AHNAK: variants seen among roughly 807,000 people sequenced by gnomAD.
AHNAK encodes the protein AHNAK nucleoprotein, also known as neuroblast differentiation-associated protein AHNAK.
In AHNAK, 23 loss-of-function variants were observed where a neutral mutation model predicts 37.8. The ratio of observed to expected loss-of-function variants is 0.61; its 90% CI spans 0.44 to 0.86. The LOEUF (loss-of-function observed/expected upper bound fraction) is 0.86. Ranked by LOEUF, AHNAK falls within the 40% of genes least tolerant of loss-of-function variation. The probability of loss-of-function intolerance (pLI) is 0.00; values close to 1 mark genes in which losing one functional copy is unlikely to be tolerated. For synonymous variants in AHNAK, 2,481 were observed against 2,636.3 expected (o/e 0.94, Z 1.80); for missense variants, 7,411 against 7,319.4 (o/e 1.01, Z -0.46).
At chr11:62,545,780 G>A in intron 1 of AHNAK, 1 of 152,628 alleles carries the variant, frequency 6.6e-6, no homozygotes. Flanking sequence ...TTAGTCACCG[G>A]CTCCAACCAC....
intron 1 of AHNAK, among the ~76,000 whole-genome samples, chr11:62,542,325 G>T (rs567686847): frequency 2.6e-5 from 4 of 152,068 alleles, no homozygotes; most frequent in African/African-American, 9.7e-5. Flanking sequence ...TTGTGTGTGT[G>T]CACCTGCCTG....
rs499333 is a variant in AHNAK at position 62,522,698 on chromosome 11, A to C, written c.11719T>G (p.Leu3907Val). Residue 3907 changes from leucine to valine, a missense_variant, in exon 5 of 5, where the codon TTG becomes GTG. Leu to Val is a conservative substitution (Grantham distance 32, BLOSUM62 1). Coordinates refer to ENST00000378024, the MANE Select transcript of AHNAK (RefSeq NM_001620.3). ...KVEGDMQVPDLDIKGPKVDIN... is the reference protein window; with the variant it reads ...KVEGDMQVPDVDIKGPKVDIN... ...TCCACTTTGGGGCCTTTAATATCCA[A>C]GTCAGGAACTTGCATGTCACCTTCC... 1,419 of 1,609,028 alleles carry C rather than the reference A, an allele frequency of 8.8e-4. 6 individuals are homozygous for C. In the African/African-American group the frequency reaches 0.012, roughly 14 times the overall value.
Position 62,531,955 on chromosome 11 carries a change from G to C in AHNAK, c.2462C>G (p.Pro821Arg). The C allele has an allele frequency of 6.2e-7, 1 of 1,614,142 alleles. No homozygotes were observed. The highest frequency in any genetic ancestry group is 8.5e-7 in the Non-Finnish European group (1 of 1,180,044). The part of the protein sequence containing the change: ...MNIKVPKISM[P>R]DVDLHLKGPN... ...GCCTTTCAGATGTAAGTCCACATCAGGCATGGAGATCTTGGGGACTTTGAT... is the reference window on the plus strand; with the variant it reads ...GCCTTTCAGATGTAAGTCCACATCACGCATGGAGATCTTGGGGACTTTGAT... Residue 821 changes from proline to arginine, a missense_variant, in exon 5 of 5, where the codon CCT becomes CGT. Coordinates refer to ENST00000378024, the MANE Select transcript of AHNAK (RefSeq NM_001620.3).
chr11:62,498,438 A>ATGGTGTAT, intron 4 of AHNAK, among the ~76,000 whole-genome samples: 1 of 151,724 alleles, frequency 6.6e-6, no homozygotes, highest in Non-Finnish European at 1.5e-5. Flanking sequence ...GTGTAATTAT[A>ATGGTGTAT]ATTACACTAT....
chr11:62,508,503 T>TCATTCGTAACCCTTTC (rs1269035165), intron 4 of AHNAK, among the ~76,000 whole-genome samples: 1 of 152,232 alleles, frequency 6.6e-6, no homozygotes, highest in Non-Finnish European at 1.5e-5. Flanking sequence ...GAAGGCCTTT[T>TCATTCGTAACCCTTTC]CATTCGTAAC....
At chr11:62,458,329 G>A (rs985010266) in intron 5 of AHNAK, among the ~76,000 whole-genome samples, 6 of 151,920 alleles carry the variant, frequency 3.9e-5, no homozygotes, top group Admixed American at 2.0e-4. Context: ...TCATCCCCAC[G>A]TCAGAAGGTC....
At chr11:62,492,405 G>A (rs945850534) in intron 4 of AHNAK, among the ~76,000 whole-genome samples, 1 of 152,144 alleles carries the variant, frequency 6.6e-6, no homozygotes, top group African/African-American at 2.4e-5. Flanking sequence ...GAAGGGGAGT[G>A]TTCCCATCAA....
At chr11:62,480,083 G>C (rs576913433) in intron 5 of AHNAK, among the ~76,000 whole-genome samples, 2 of 152,048 alleles carry the variant, frequency 1.3e-5, no homozygotes, top group Admixed American at 6.6e-5. Flanking sequence ...AGCCTCACCC[G>C]GACCCTGCCA....
chr11:62,457,069 G>A (rs983622110), intron 5 of AHNAK, among the ~76,000 whole-genome samples: 21 of 152,166 alleles, frequency 1.4e-4, no homozygotes, highest in African/African-American at 2.2e-4. Flanking sequence ...GGGAGGCCGA[G>A]GCGGGAGGAT....
intron 5 of AHNAK, among the ~76,000 whole-genome samples, chr11:62,465,082 C>G (rs1938878318): frequency 6.6e-6 from 1 of 152,070 alleles, no homozygotes; most frequent in Non-Finnish European, 1.5e-5. Flanking sequence ...TTTCCTTTTC[C>G]TAGATCCCAG....
chr11:62,461,320 A>ATTTTTT (rs1938782775), intron 5 of AHNAK, among the ~76,000 whole-genome samples: 1 of 146,790 alleles, frequency 6.8e-6, no homozygotes, highest in South Asian at 2.2e-4. Context: ...TAATTTTTGT[A>ATTTTTT]TTTTTAGTAC....
Position 62,528,530 on chromosome 11 carries a change from C to T in AHNAK, c.5887G>A (p.Val1963Ile). The T allele has an allele frequency of 6.2e-7, 1 of 1,611,984 alleles. No individual in the cohort carries two copies. Among genetic ancestry groups the T allele is most frequent in the Non-Finnish European group, 8.5e-7 (1 of 1,179,692 alleles). Residue 1963 changes from valine (V) to isoleucine (I), a missense_variant, in exon 5 of 5, where the codon GTT becomes ATT. Val to Ile is a conservative substitution (Grantham distance 29, BLOSUM62 3). Transcript: ENST00000378024. The stretch of plus-strand genomic sequence containing the variant: ...TTTGCATCAGGACACTCCAGCTCAA[C>T]ATCAGGCACCTCCACACCCACACTG... ...GPSVGVEVPD[V>I]ELECPDAKLK...
exon 6 of AHNAK, chr11:62,433,747 G>T: frequency 1.6e-6 from 2 of 1,271,094 alleles, no homozygotes; most frequent in South Asian, 1.3e-5. Context: ...AAGCCGCCTC[G>T]CGGAAGGTAT....
intron 1 of AHNAK, among the ~76,000 whole-genome samples, chr11:62,539,955 T>A (rs1941073485): frequency 6.6e-6 from 1 of 152,190 alleles, no homozygotes; most frequent in South Asian, 2.1e-4. Flanking sequence ...TGTAGCCAGG[T>A]TTCCCATTCT....
chr11:62,440,336 C>G (rs1256006724), intron 5 of AHNAK, among the ~76,000 whole-genome samples: 2 of 152,096 alleles, frequency 1.3e-5, no homozygotes, highest in Non-Finnish European at 2.9e-5. Context: ...CCAGGCCAAA[C>G]AGGAAGTCAA....
intron 5 of AHNAK, among the ~76,000 whole-genome samples, chr11:62,437,695 T>C (rs1047869611): frequency 1.2e-4 from 19 of 152,182 alleles, no homozygotes; most frequent in African/African-American, 4.6e-4. Flanking sequence ...GTAGAATTTC[T>C]GGGTTGTACA....
intron 5 of AHNAK, among the ~76,000 whole-genome samples, chr11:62,435,537 G>T (rs71490379): frequency 6.1e-5 from 7 of 114,200 alleles, no homozygotes; most frequent in African/African-American, 1.5e-4. Context: ...TCAGCCTCCC[G>T]AGTAGCTGGG....
At position 62,519,651 on chromosome 11, in the gene AHNAK, A is replaced by G; in HGVS notation, c.14766T>C (p.Asp4922=). The part of the protein sequence containing the change: ...SAPKVTAPDV[D]LHLKAPKIGF... ...CAATTTTTGGTGCCTTGAGATGCAA[A>G]TCAACATCAGGAGCAGTTACTTTAG... The change falls in exon 5 of 5, where the codon GAT becomes GAC. Residue 4922 remains aspartate (D), a synonymous_variant. Coordinates refer to ENST00000378024, the MANE Select transcript of AHNAK (RefSeq NM_001620.3). 6.2e-7 allele frequency: 1 copy of G among 1,613,948 alleles called. No individual in the cohort carries two copies. The highest frequency in any genetic ancestry group is 1.1e-5 in the South Asian group (1 of 91,026).
At chr11:62,504,590 G>A (rs546375200) in intron 4 of AHNAK, among the ~76,000 whole-genome samples, 2 of 152,098 alleles carry the variant, frequency 1.3e-5, no homozygotes, top group African/African-American at 2.4e-5. Flanking sequence ...CCTGGCCACC[G>A]AAGACAGAGG....
Sources: allele counts gnomAD v4.1 joint callset (sites outside exome capture counted in the v4.1 genomes callset), GRCh38; gene constraint gnomAD v4.1.1; transcripts MANE v1.5; gene names NCBI Gene and HGNC (gene_info 2026-07-23, HGNC 2026-07-21).